GEMIN2: variants seen among roughly 807,000 people sequenced by gnomAD.
GEMIN2 encodes gem-associated protein 2.
Under a neutral mutation model 45.8 loss-of-function variants are expected in GEMIN2, and 37 were observed. The observed-to-expected ratio is 0.81, with a 90% CI of 0.62 to 1.06. The LOEUF (loss-of-function observed/expected upper bound fraction) is 1.06, where lower values mean the gene tolerates loss of function less well. GEMIN2 is among the 50% of genes least tolerant of loss of function. The pLI is 0.00. For missense variants in GEMIN2, 335 were observed against 321.8 expected (o/e 1.04, Z -0.31); for synonymous variants, 101 against 111.5 (o/e 0.91, Z 0.60).
chr14:39,136,395 C>G, intron 9 of GEMIN2, 45 bp from the exon 10 acceptor site: 1 of 961,900 alleles, frequency 1.0e-6, no homozygotes, highest in Middle Eastern at 2.1e-4. Flanking sequence ...AATAGTGCTA[C>G]AGTTAATATC....
At chr14:39,122,087 A>G (rs1401257877) in intron 4 of GEMIN2, 1 of 198,538 alleles carries the variant, frequency 5.0e-6, no homozygotes, top group African/African-American at 2.4e-5. Flanking sequence ...CTGTTTTCTC[A>G]CGTGGTCTTT....
chr14:39,117,884 T>C, intron 2 of GEMIN2, 115 bp from the exon 3 acceptor site: 1 of 485,586 alleles, frequency 2.1e-6, no homozygotes, highest in Non-Finnish European at 3.7e-6. Flanking sequence ...TATTTTCTTG[T>C]ATAATCTTTA....
Position 39,125,015 on chromosome 14 carries a change from T to C in GEMIN2, c.510T>C (p.Ser170=), listed in dbSNP as rs754516209. ...AGATTGGTTTTCCTCCCTTGCTTAG[T>C]ATTGTTAGCAGAATGAATCAGGTAA... is the stretch of plus-strand genomic sequence containing the variant. ...YVQIGFPPLL[S]IVSRMNQATV... The change falls in exon 6 of 10, where the codon AGT becomes AGC. Residue 170 remains serine (S), a synonymous_variant. Transcript: ENST00000308317. The C allele has an allele frequency of 6.8e-7, 1 of 1,475,770 alleles. No homozygotes were observed. Among genetic ancestry groups the C allele is most frequent in the Non-Finnish European group, 9.5e-7 (1 of 1,055,798 alleles). The allele number at this position is 1,475,770 out of a possible 1,614,324, so 91.4% of individuals were successfully genotyped here.
At chr14:39,119,850 C>A (rs1451178622) in intron 4 of GEMIN2, among the ~76,000 whole-genome samples, 2 of 152,204 alleles carry the variant, frequency 1.3e-5, no homozygotes, top group Non-Finnish European at 2.9e-5. Context: ...GCTAGTCCTT[C>A]TATCAAAGAA....
intron 4 of GEMIN2, among the ~76,000 whole-genome samples, chr14:39,121,498 C>T (rs1402581886): frequency 6.6e-6 from 1 of 152,170 alleles, no homozygotes; most frequent in African/African-American, 2.4e-5. Context: ...CACCTCTGCA[C>T]TCCAACTTGG....
At chr14:39,115,812 C>A (rs1400321112) in intron 2 of GEMIN2, among the ~76,000 whole-genome samples, 1 of 152,086 alleles carries the variant, frequency 6.6e-6, no homozygotes, top group Non-Finnish European at 1.5e-5. Flanking sequence ...ATTTATCCAG[C>A]ACATCTTTAA....
intron 7 of GEMIN2, among the ~76,000 whole-genome samples, chr14:39,130,476 T>C (rs2052702564): frequency 6.6e-6 from 1 of 152,204 alleles, no homozygotes; most frequent in Non-Finnish European, 1.5e-5. Context: ...ATACATACCC[T>C]TTGTCACCAT....
Position 39,120,732 on chromosome 14 carries a change from A to G in GEMIN2, c.373-1698A>G, listed in dbSNP as rs189784163. ...AACCTCTGTCTCTTGGATTCAAGCA[A>G]TTCTCCTGCCTCAGCCTCCCAAGTA... On this transcript the variant is annotated intron_variant, in intron 4 of 9. Coordinates refer to ENST00000308317, the MANE Select transcript of GEMIN2 (RefSeq NM_003616.3). 7.5e-4 allele frequency among the ~76,000 whole-genome samples: 114 copies of G among 152,184 alleles called. 1 individual carries two copies. Among genetic ancestry groups the G allele is most frequent in the African/African-American group, 2.6e-3 (106 of 41,506 alleles).
At position 39,116,365 on chromosome 14, in the gene GEMIN2, T is replaced by C. The variant is rs550977324; in HGVS notation, c.222+1452T>C. 5.3e-5 allele frequency among the ~76,000 whole-genome samples: 8 copies of C among 152,128 alleles called. No homozygotes were observed. The East Asian group carries it at 1.3e-3, about 26-fold the overall frequency. ...AAGGTCTCTCTAAGGAGGTGCTATT[T>C]AACCTAAGCTCAAAGGAGGGTGGCA... is the stretch of plus-strand genomic sequence containing the variant. On this transcript the variant is annotated intron_variant, in intron 2 of 9. Coordinates refer to ENST00000308317, the MANE Select transcript of GEMIN2 (RefSeq NM_003616.3).
At chr14:39,118,458 G>GGTAAA (rs2052536620) in intron 3 of GEMIN2, 82 bp from the exon 4 acceptor site, 2 of 749,714 alleles carry the variant, frequency 2.7e-6, no homozygotes, top group Non-Finnish European at 4.9e-6. Context: ...AGTTTTAGAT[G>GGTAAA]GTTACAATTT....
Position 39,122,510 on chromosome 14 carries a change from C to T in GEMIN2, c.453C>T (p.Ala151=). The change falls in exon 5 of 10, where the codon GCC becomes GCT. Residue 151 remains alanine, a synonymous_variant. Coordinates refer to ENST00000308317, the MANE Select transcript of GEMIN2 (RefSeq NM_003616.3). ...KLCADGAVGP[A]TNESPGIDYV... is the part of the protein sequence containing the mutation. ...GTGCTGACGGGGCTGTTGGACCAGC[C>T]ACAAATGAAAGTCCTGGAATAGATT... 1 of 1,600,386 alleles carries T rather than the reference C, an allele frequency of 6.2e-7. No individual in the cohort carries two copies. The highest frequency in any genetic ancestry group is 8.6e-7 in the Non-Finnish European group (1 of 1,168,884).
intron 6 of GEMIN2, 46 bp from the exon 7 acceptor site, chr14:39,128,234 T>A (rs1342062038): frequency 1.9e-6 from 2 of 1,042,834 alleles, no homozygotes; most frequent in South Asian, 1.4e-5. Flanking sequence ...GAATTCATGT[T>A]TTATTATTAA....
At position 39,122,524 on chromosome 14, in the gene GEMIN2, C is replaced by T. The variant is rs757648389; in HGVS notation, c.467C>T (p.Pro156Leu). The part of the protein sequence containing the change: ...GAVGPATNES[P>L]GIDYVQIGFP... The stretch of plus-strand genomic sequence containing the variant: ...GTTGGACCAGCCACAAATGAAAGTC[C>T]TGGAATAGATTATGTACAAGTAAGG... The change falls in exon 5 of 10, where the codon CCT (proline) becomes CTT (leucine). Residue 156 changes from proline to leucine, a missense_variant. Physicochemically the swap from Pro to Leu is moderately conservative, Grantham distance 98. Transcript: ENST00000308317. The T allele has an allele frequency of 6.3e-7, 1 of 1,575,124 alleles. No homozygotes were observed. Among genetic ancestry groups the T allele is most frequent in the South Asian group, 1.1e-5 (1 of 89,518 alleles).
rs372601893 is a variant in GEMIN2, at chr14:39,114,940, T to A, written c.222+27T>A. On this transcript the variant is annotated intron_variant, in intron 2 of 9. Coordinates refer to ENST00000308317, the MANE Select transcript of GEMIN2 (RefSeq NM_003616.3). ...TGAGTTTTATTAACCGTCTGGAGAT[T>A]ACCCCCAACCCCCCAATTAAAAGAC... The A allele has an allele frequency of 2.8e-5, 28 of 1,017,470 alleles. No individual in the cohort carries two copies. The African/African-American group carries it at 3.9e-4, about 14-fold the overall frequency. The allele number at this position is 1,017,470 out of a possible 1,614,324, so 63.0% of individuals were successfully genotyped here.
At chr14:39,129,300 G>A (rs1176717306) in intron 7 of GEMIN2, among the ~76,000 whole-genome samples, 1 of 152,116 alleles carries the variant, frequency 6.6e-6, no homozygotes, top group Non-Finnish European at 1.5e-5. Context: ...TATACTCTAT[G>A]ATGTTCATCC....
intron 2 of GEMIN2, 107 bp from the exon 3 acceptor site, chr14:39,117,892 T>A (rs998655188): frequency 2.0e-6 from 1 of 505,244 alleles, no homozygotes; most frequent in Non-Finnish European, 3.6e-6. Context: ...TGTATAATCT[T>A]TATTTTATTA....
chr14:39,133,694 A>T lies in GEMIN2; in HGVS notation c.745A>T (p.Asn249Tyr). 6.5e-7 allele frequency: 1 copy of T among 1,539,398 alleles called. No individual in the cohort carries two copies. Reference sequence around the variant, plus strand: ...AGATGATGAGAGGGTTCCTGCTTTGAATTTATTAATCTGCTTGGTTAGCAG... The same window carrying T: ...AGATGATGAGAGGGTTCCTGCTTTGTATTTATTAATCTGCTTGGTTAGCAG... Reference protein sequence around the residue: ...SKDDERVPALNLLICLVSRYF... With the variant: ...SKDDERVPALYLLICLVSRYF... The change falls in exon 9 of 10, where the codon AAT becomes TAT. Residue 249 changes from asparagine (N) to tyrosine (Y), a missense_variant. Asn to Tyr is a moderately radical substitution (Grantham distance 143). Transcript: ENST00000308317.
At position 39,132,038 on chromosome 14, in the gene GEMIN2, A is replaced by C. The variant is rs2052724043; in HGVS notation, c.681A>C (p.Ala227=). 5.0e-6 allele frequency: 8 copies of C among 1,588,974 alleles called. No individual in the cohort carries two copies. The highest frequency in any genetic ancestry group is 6.9e-6 in the Non-Finnish European group (8 of 1,157,464). The change falls in exon 8 of 10, where the codon GCA becomes GCC. Residue 227 remains alanine (A), a synonymous_variant. Coordinates refer to ENST00000308317, the MANE Select transcript of GEMIN2 (RefSeq NM_003616.3). ...CTCATTCACTGATTCGGCAGCTTGC[A>C]AGAAGGTGCTCTGAAGTGAGGCTCT... ...PEAHSLIRQL[A]RRCSEVRLLV...
intron 5 of GEMIN2, 99 bp downstream of exon 5, chr14:39,122,642 T>A (rs765437928): frequency 6.9e-6 from 4 of 577,068 alleles, no homozygotes; most frequent in Non-Finnish European, 1.2e-5. Flanking sequence ...CAAGTCCAGT[T>A]CATGGCCTTT....
Sources: allele counts gnomAD v4.1 joint callset (sites outside exome capture counted in the v4.1 genomes callset), GRCh38; gene constraint gnomAD v4.1.1; transcripts MANE v1.5; gene names NCBI Gene and HGNC (gene_info 2026-07-23, HGNC 2026-07-21).